Variants in SLC17A2 observed in about 807,000 individuals in gnomAD.
SLC17A2 encodes the protein solute carrier family 17 member 2, also known as sodium-dependent phosphate transport protein 3.
A neutral mutation model predicts 52.1 loss-of-function variants in SLC17A2; 38 were observed. The ratio of observed to expected loss-of-function variants is 0.73; its 90% CI spans 0.56 to 0.96. The LOEUF is 0.96. Among genes scored for constraint, SLC17A2 ranks in the 40% least tolerant of loss-of-function variants. The pLI is 0.00. For missense variants in SLC17A2, 508 were observed against 583.9 expected (o/e 0.87, Z 1.34); for synonymous variants, 226 against 211.9 (o/e 1.07, Z -0.58).
chr6:25,926,396 T>C (rs1338478707), intron 1 of SLC17A2, among the ~76,000 whole-genome samples: 3 of 152,190 alleles, frequency 2.0e-5, no homozygotes, highest in African/African-American at 7.2e-5. Context: ...AACACTAATA[T>C]GTATTACATT....
At chr6:25,913,854 C>T (rs1402237511) in intron 11 of SLC17A2, among the ~76,000 whole-genome samples, 2 of 151,696 alleles carry the variant, frequency 1.3e-5, no homozygotes, top group African/African-American at 4.8e-5. Flanking sequence ...CACTACAACC[C>T]ATCTCAATTC....
intron 9 of SLC17A2, 33 bp downstream of exon 9, chr6:25,915,703 A>G (rs1370216134): frequency 3.7e-6 from 6 of 1,613,164 alleles, no homozygotes; most frequent in Non-Finnish European, 3.4e-6. Flanking sequence ...CAGAAAAGGG[A>G]TTGGTTAAAT....
intron 1 of SLC17A2, among the ~76,000 whole-genome samples, chr6:25,929,416 C>T (rs1302337765): frequency 1.3e-5 from 2 of 152,140 alleles, no homozygotes; most frequent in East Asian, 3.8e-4. Context: ...AATAAACAGT[C>T]ACAATATTGG....
chr6:25,925,855 C>G lies in SLC17A2; in HGVS notation c.-59G>C. On this transcript the variant is annotated 5_prime_UTR_variant, in exon 2 of 12. Coordinates refer to ENST00000377850, the MANE Select transcript of SLC17A2 (RefSeq NM_001286123.3). ...GGTGGAGTTTCCCTGTGCCCTGAAT[C>G]TCTTTTACTACGACAGTCTTTTATC... The G allele has an allele frequency of 6.6e-7, 1 of 1,523,774 alleles. No individual in the cohort carries two copies. Among genetic ancestry groups the G allele is most frequent in the Non-Finnish European group, 9.1e-7 (1 of 1,097,554 alleles). 94.4% of individuals were successfully genotyped at this position (1,523,774 alleles called of 1,614,324 possible). A position where few individuals can be genotyped will look rare whatever the true frequency, so the allele number is the denominator to read the frequency against.
At position 25,920,883 on chromosome 6, in the gene SLC17A2, T is replaced by C. The variant is rs901703911; in HGVS notation, c.562+123A>G. The C allele has an allele frequency of 3.7e-6, 3 of 811,110 alleles. No homozygotes were observed. The African/African-American group carries it at 5.1e-5, about 14-fold the overall frequency. 50.2% of individuals were successfully genotyped at this position (811,110 alleles called of 1,614,324 possible). ...TTTCCTATTTGTGATGCAAGTGTCT[T>C]ATATTGTTGAATTTTTCAGCAGTAC... On this transcript the variant is annotated intron_variant, in intron 5 of 11. Transcript: ENST00000377850.
intron 10 of SLC17A2, 62 bp downstream of exon 10, chr6:25,915,437 C>A: frequency 7.1e-7 from 1 of 1,409,746 alleles, no homozygotes; most frequent in South Asian, 1.4e-5. Context: ...TCACGGCGAC[C>A]ACTGAGGTCT....
Position 25,923,968 on chromosome 6 carries a change from C to G in SLC17A2, c.29-62G>C, listed in dbSNP as rs148782068. ...GACTGAGACCCCTTTCTTTTCCTTT[C>G]TCTCACAGCTCGATCTGATAGAACT... On this transcript the variant is annotated intron_variant, in intron 2 of 11. Transcript: ENST00000377850. 958 of 1,292,578 alleles carry G rather than the reference C, an allele frequency of 7.4e-4. 7 individuals carry two copies. The highest frequency in any genetic ancestry group is 3.0e-3 in the Admixed American group (170 of 56,918). The allele number at this position is 1,292,578 out of a possible 1,614,324, so 80.1% of individuals were successfully genotyped here. A position where few individuals can be genotyped will look rare whatever the true frequency, so the allele number is the denominator to read the frequency against.
At chr6:25,929,167 G>A (rs1766865582) in intron 1 of SLC17A2, among the ~76,000 whole-genome samples, 1 of 152,122 alleles carries the variant, frequency 6.6e-6, no homozygotes, top group Non-Finnish European at 1.5e-5. Flanking sequence ...CTAGATCAAA[G>A]AGCATGAACC....
chr6:25,923,845 G>A lies in SLC17A2; in HGVS notation c.90C>T (p.Thr30=), dbSNP rs758119356. ...TCAGACTCACACGCTGCGTTATCAT[G>A]GTGAAGTTTGAGAAGTGCATGATAA... ...LALIMHFSNF[T]MITQRVSLSI... is the part of the protein sequence containing the mutation. Residue 30 remains threonine, a synonymous_variant, in exon 3 of 12, where the codon ACC becomes ACT. Transcript: ENST00000377850. 6.2e-7 allele frequency: 1 copy of A among 1,614,056 alleles called. No individual in the cohort carries two copies. The highest frequency in any genetic ancestry group is 8.5e-7 in the Non-Finnish European group (1 of 1,180,048).
Position 25,928,353 on chromosome 6 carries a change from G to A in SLC17A2, c.-84+1924C>T, listed in dbSNP as rs1035193570. ...AAGTTTTAATCATTTATTCTAGAAG[G>A]AAGTTTGATAATGAAAAATACTTTT... is the stretch of plus-strand genomic sequence containing the variant. On this transcript the variant is annotated intron_variant, in intron 1 of 11. Transcript: ENST00000377850. 2.6e-5 allele frequency among the ~76,000 whole-genome samples: 4 copies of A among 152,116 alleles called. 1 individual carries two copies. The highest frequency in any genetic ancestry group is 2.4e-5 in the African/African-American group (1 of 41,500).
intron 4 of SLC17A2, 30 bp from the exon 5 acceptor site, chr6:25,921,123 A>C (rs1484351444): frequency 6.2e-7 from 1 of 1,613,720 alleles, no homozygotes; most frequent in East Asian, 2.2e-5. Flanking sequence ...GACCTTTGAT[A>C]TTTTGTAGAA....
chr6:25,925,648 G>T, intron 2 of SLC17A2, 121 bp downstream of exon 2: 1 of 924,922 alleles, frequency 1.1e-6, no homozygotes, highest in Non-Finnish European at 1.8e-6. Flanking sequence ...GGCTGGAGCT[G>T]GCTCCAATGT....
In SLC17A2 at chr6:25,923,543, T is replaced by C. The variant is rs1581570644; in HGVS notation, c.240+152A>G. The C allele has an allele frequency of 7.7e-6, 5 of 648,504 alleles. No individual in the cohort carries two copies. The East Asian group carries it at 1.3e-4, about 17-fold the overall frequency. The allele number at this position is 648,504 out of a possible 1,614,324, so 40.2% of individuals were successfully genotyped here. A position where few individuals can be genotyped will look rare whatever the true frequency, so the allele number is the denominator to read the frequency against. ...CTCAATGAAATCTTATTTTTATTAT[T>C]GAAGTAAGCAATGTCTCAAAGAAAA... On this transcript the variant is annotated intron_variant, in intron 3 of 11. Transcript: ENST00000377850.
chr6:25,923,386 T>C (rs937819246), intron 3 of SLC17A2, among the ~76,000 whole-genome samples: 2 of 152,210 alleles, frequency 1.3e-5, no homozygotes, highest in African/African-American at 2.4e-5. Flanking sequence ...GAGAACTGAA[T>C]AGGATTGAGT....
chr6:25,921,489 G>T, intron 3 of SLC17A2, 77 bp from the exon 4 acceptor site: 3 of 944,320 alleles, frequency 3.2e-6, no homozygotes, highest in Non-Finnish European at 4.9e-6. Context: ...GTTGCTTGAG[G>T]TTAGTGAGAC....
rs373357115 is a variant in SLC17A2, at chr6:25,925,823, G to A, written c.-27C>T. ...TAGCTTCTGTGGGAAATGGTACCACGCTTTGTGGTGGAGTTTCCCTGTGCC... is the reference window on the plus strand; with the variant it reads ...TAGCTTCTGTGGGAAATGGTACCACACTTTGTGGTGGAGTTTCCCTGTGCC... On this transcript the variant is annotated 5_prime_UTR_variant, in exon 2 of 12. Transcript: ENST00000377850. 3.8e-5 allele frequency: 61 copies of A among 1,612,860 alleles called. 3 individuals are homozygous for A. The African/African-American group carries it at 4.4e-4, about 12-fold the overall frequency.
intron 1 of SLC17A2, among the ~76,000 whole-genome samples, chr6:25,929,723 G>A (rs908358027): frequency 6.6e-6 from 1 of 152,170 alleles, no homozygotes; most frequent in Non-Finnish European, 1.5e-5. Context: ...AGGGCAACAA[G>A]CTAGGTGATC....
chr6:25,913,289 C>T lies in SLC17A2; in HGVS notation c.*28G>A, dbSNP rs918871398. 1 of 1,613,528 alleles carries T rather than the reference C, an allele frequency of 6.2e-7. No individual in the cohort carries two copies. The highest frequency in any genetic ancestry group is 1.1e-5 in the South Asian group (1 of 91,056). On this transcript the variant is annotated 3_prime_UTR_variant, in exon 12 of 12. Coordinates refer to ENST00000377850, the MANE Select transcript of SLC17A2 (RefSeq NM_001286123.3). ...ATGTTTAAAAAGTTCATGCTCAGTA[C>T]CACATTTAAGTTTGTAACTTTATGT...
At chr6:25,925,317 T>A (rs1423867726) in intron 2 of SLC17A2, among the ~76,000 whole-genome samples, 1 of 151,886 alleles carries the variant, frequency 6.6e-6, no homozygotes, top group Non-Finnish European at 1.5e-5. Context: ...ATCGAGACCA[T>A]CCTGGCTAAC....
Sources: allele counts gnomAD v4.1 joint callset (sites outside exome capture counted in the v4.1 genomes callset), GRCh38; gene constraint gnomAD v4.1.1; transcripts MANE v1.5; gene names NCBI Gene and HGNC (gene_info 2026-07-23, HGNC 2026-07-21).